The following ENTPD4 variants were observed in gnomAD, a reference collection of about 807,000 sequenced individuals.
The protein encoded by ENTPD4 is Golgi UDPase.
Under a neutral mutation model 79.1 loss-of-function variants are expected in ENTPD4, and 60 were observed. That is an observed-to-expected ratio of 0.76 (90% CI 0.62 to 0.94). ENTPD4 has a LOEUF of 0.94. Ranked by LOEUF, ENTPD4 falls within the 40% of genes least tolerant of loss-of-function variation. The probability of loss-of-function intolerance (pLI) is 0.00; values close to 1 mark genes in which losing one functional copy is unlikely to be tolerated. For synonymous variants in ENTPD4, 276 were observed against 292.0 expected (o/e 0.95, Z 0.56); for missense variants, 772 against 775.1 (o/e 1.00, Z 0.05).
chr8:23,436,510 T>A (rs188615246), intron 10 of ENTPD4, among the ~76,000 whole-genome samples: 1 of 151,890 alleles, frequency 6.6e-6, no homozygotes, highest in Non-Finnish European at 1.5e-5. Flanking sequence ...GATGAGACCA[T>A]CCAAGAACCT....
At chr8:23,434,770 T>C in intron 11 of ENTPD4, 1 of 1,169,716 alleles carries the variant, frequency 8.5e-7, no homozygotes, top group Non-Finnish European at 1.1e-6. Flanking sequence ...CATTTCACCA[T>C]GTACTCCTTG....
Position 23,429,413 on chromosome 8 carries a change from A to C in ENTPD4, c.*3513T>G, listed in dbSNP as rs1183696762. 1 of 985,056 alleles carries C rather than the reference A, an allele frequency of 1.0e-6. No individual in the cohort carries two copies. The highest frequency in any genetic ancestry group is 1.2e-6 in the Non-Finnish European group (1 of 829,684). 61.0% of individuals were successfully genotyped at this position (985,056 alleles called of 1,614,324 possible). A position where few individuals can be genotyped will look rare whatever the true frequency, so the allele number is the denominator to read the frequency against. ...TGGTTGGTCACATCATTCATTATTG[A>C]AAGGGAAACTTAGTATCAAAAGAAA... On this transcript the variant is annotated 3_prime_UTR_variant, in exon 13 of 13. Transcript: ENST00000358689.
In ENTPD4 at chr8:23,429,164, GGAT is replaced by G. The variant is rs1800413483; in HGVS notation, c.*3759_*3761del. 26 of 985,270 alleles carry G rather than the reference GGAT, an allele frequency of 2.6e-5. No individual in the cohort carries two copies. The highest frequency in any genetic ancestry group is 2.9e-5 in the Non-Finnish European group (24 of 829,922). 61.0% of individuals were successfully genotyped at this position (985,270 alleles called of 1,614,324 possible). On this transcript the variant is annotated 3_prime_UTR_variant, in exon 13 of 13. Coordinates refer to ENST00000358689, the MANE Select transcript of ENTPD4 (RefSeq NM_004901.5). Reference sequence around the variant, plus strand: ...AAGCCCACACAGTCTACGGGCCATGGGATGATGAACTTTCGTTTTATTGATTTT... The same window carrying G: ...AAGCCCACACAGTCTACGGGCCATGGGATGAACTTTCGTTTTATTGATTTT...
In ENTPD4 at chr8:23,434,104, G is replaced by A. The variant is rs1800510904; in HGVS notation, c.1622+213C>T. On this transcript the variant is annotated intron_variant, in intron 12 of 12. Coordinates refer to ENST00000358689, the MANE Select transcript of ENTPD4 (RefSeq NM_004901.5). ...AACCAAACACAGGGCAGTAGGACAGGAGTGCTGTGTATTACGGGATGGTAG... is the reference window on the plus strand; with the variant it reads ...AACCAAACACAGGGCAGTAGGACAGAAGTGCTGTGTATTACGGGATGGTAG... The A allele has an allele frequency of 1.7e-5, 10 of 583,766 alleles. No homozygotes were observed. In the South Asian group the frequency reaches 2.2e-4, roughly 13 times the overall value. 36.2% of individuals were successfully genotyped at this position (583,766 alleles called of 1,614,324 possible).
rs577718046 is a variant in ENTPD4 at position 23,451,087 on chromosome 8, C to G, written c.-97-1090G>C. On this transcript the variant is annotated intron_variant, in intron 1 of 12. Transcript: ENST00000358689. ...CCCAGGCTGGTGGAGTGCAATGGCA[C>G]AATCTCAGCTCACTGCAACCTCCTC... Among the ~76,000 whole-genome samples, 9 of 149,444 alleles carry G rather than the reference C, an allele frequency of 6.0e-5. No homozygotes were observed. The Admixed American group carries it at 6.1e-4, about 10-fold the overall frequency.
rs567310264 is a variant in ENTPD4, at chr8:23,431,692, G to A, written c.*1234C>T. On this transcript the variant is annotated 3_prime_UTR_variant, in exon 13 of 13. Coordinates refer to ENST00000358689, the MANE Select transcript of ENTPD4 (RefSeq NM_004901.5). ...AAAGCTGAGATGACTTTTAATTAAG[G>A]GGGGTGGGGGAAACACCAATTGGAA... 1 of 985,498 alleles carries A rather than the reference G, an allele frequency of 1.0e-6. No individual in the cohort carries two copies. Among genetic ancestry groups the A allele is most frequent in the Non-Finnish European group, 1.2e-6 (1 of 830,030 alleles). 61.0% of individuals were successfully genotyped at this position (985,498 alleles called of 1,614,324 possible).
rs368017793 is a variant in ENTPD4 at position 23,441,542 on chromosome 8, CAG to C, written c.882+25_882+26del. The C allele has an allele frequency of 1.8e-5, 29 of 1,604,494 alleles. No individual in the cohort carries two copies. The African/African-American group carries it at 2.6e-4, about 14-fold the overall frequency. On this transcript the variant is annotated intron_variant, in intron 8 of 12. Coordinates refer to ENST00000358689, the MANE Select transcript of ENTPD4 (RefSeq NM_004901.5). ...CACGTTAAATGAAAACCAAACCAAA[CAG>C]AAGGAAATTTGTACAGATAATGACC...
intron 8 of ENTPD4, 153 bp from the exon 9 acceptor site, chr8:23,440,068 A>C: frequency 1.7e-6 from 1 of 583,318 alleles, no homozygotes; most frequent in Non-Finnish European, 3.0e-6. Context: ...ATAATTCAAT[A>C]TGACAATTCT....
At chr8:23,457,076 C>T (rs1262772575) in intron 1 of ENTPD4, among the ~76,000 whole-genome samples, 1 of 152,250 alleles carries the variant, frequency 6.6e-6, no homozygotes, top group Non-Finnish European at 1.5e-5. Flanking sequence ...TGCTGTGCAT[C>T]ATCACTTTAC....
At chr8:23,438,879 T>A (rs1019971629) in intron 9 of ENTPD4, among the ~76,000 whole-genome samples, 1 of 152,214 alleles carries the variant, frequency 6.6e-6, no homozygotes, top group Non-Finnish European at 1.5e-5. Context: ...TCCAACTTGG[T>A]CTTTTTTCAA....
intron 2 of ENTPD4, 85 bp downstream of exon 2, chr8:23,449,808 T>C: frequency 1.1e-5 from 13 of 1,216,228 alleles, no homozygotes; most frequent in Non-Finnish European, 1.6e-5. Flanking sequence ...CATTTTTCAC[T>C]TGCGATTTAG....
Position 23,429,981 on chromosome 8 carries a change from T to C in ENTPD4, c.*2945A>G. The C allele has an allele frequency of 1.0e-6, 1 of 985,488 alleles. No homozygotes were observed. Among genetic ancestry groups the C allele is most frequent in the Non-Finnish European group, 1.2e-6 (1 of 829,946 alleles). The allele number at this position is 985,488 out of a possible 1,614,324, so 61.0% of individuals were successfully genotyped here. On this transcript the variant is annotated 3_prime_UTR_variant, in exon 13 of 13. Transcript: ENST00000358689. The stretch of plus-strand genomic sequence containing the variant: ...AACATAAGCACTTATTGCTGGCATG[T>C]TTCTACCAAGATTGAACACAATGCT...
chr8:23,456,407 T>C (rs758144436), intron 1 of ENTPD4, among the ~76,000 whole-genome samples: 4 of 152,240 alleles, frequency 2.6e-5, no homozygotes, highest in Non-Finnish European at 5.9e-5. Context: ...TTTCTTACAA[T>C]TGGAATCGTC....
In ENTPD4 at chr8:23,445,670, C is replaced by G. The variant is rs751902199; in HGVS notation, c.413-1064G>C. ...CAACTCTTGTTAAATTCCATGCTTA[C>G]TTCCTTTTGCTAGATGTACATTCAT... On this transcript the variant is annotated intron_variant, in intron 4 of 12. Transcript: ENST00000358689. 3.0e-4 allele frequency among the ~76,000 whole-genome samples: 45 copies of G among 152,356 alleles called. 1 individual carries two copies. Among genetic ancestry groups the G allele is most frequent in the Admixed American group, 2.0e-4 (3 of 15,310 alleles).
rs923380606 is a variant in ENTPD4 at position 23,431,615 on chromosome 8, C to A, written c.*1311G>T. ...CTGCCAGCAACAGCCTCAGTCAATG[C>A]GGTTAGGAAGAGGACTCGGCAGGCT... On this transcript the variant is annotated 3_prime_UTR_variant, in exon 13 of 13. Coordinates refer to ENST00000358689, the MANE Select transcript of ENTPD4 (RefSeq NM_004901.5). The A allele has an allele frequency of 1.3e-5, 13 of 985,132 alleles. No homozygotes were observed. Among genetic ancestry groups the A allele is most frequent in the Admixed American group, 6.2e-5 (1 of 16,246 alleles). 61.0% of individuals were successfully genotyped at this position (985,132 alleles called of 1,614,324 possible).
chr8:23,437,688 TAG>T (rs1294674945), intron 9 of ENTPD4, among the ~76,000 whole-genome samples: 1 of 152,220 alleles, frequency 6.6e-6, no homozygotes, highest in East Asian at 1.9e-4. Context: ...GAAAAGTTAC[TAG>T]AAAATTATCA....
intron 7 of ENTPD4, 109 bp from the exon 8 acceptor site, chr8:23,441,832 C>T: frequency 7.8e-7 from 1 of 1,282,794 alleles, no homozygotes; most frequent in Non-Finnish European, 1.1e-6. Context: ...TCAGGCAAAC[C>T]CAGTCTACTC....
At position 23,429,667 on chromosome 8, in the gene ENTPD4, A is replaced by C. The variant is rs569898556; in HGVS notation, c.*3259T>G. On this transcript the variant is annotated 3_prime_UTR_variant, in exon 13 of 13. Transcript: ENST00000358689. ...CTGTTTATCCAGAGTTTGTTAATCT[A>C]GAGTACACAGATGTGGAAAACTGGT... 2.9e-4 allele frequency: 282 copies of C among 985,378 alleles called. No homozygotes were observed. Among genetic ancestry groups the C allele is most frequent in the Non-Finnish European group, 3.3e-4 (277 of 829,892 alleles). The allele number at this position is 985,378 out of a possible 1,614,324, so 61.0% of individuals were successfully genotyped here.
chr8:23,431,833 C>A lies in ENTPD4; in HGVS notation c.*1093G>T. ...CTGGTGAAACTAGGAATTTCCAATT[C>A]TTTCAAAACCACAGTGTTCTAATGC... On this transcript the variant is annotated 3_prime_UTR_variant, in exon 13 of 13. Coordinates refer to ENST00000358689, the MANE Select transcript of ENTPD4 (RefSeq NM_004901.5). 1 of 985,444 alleles carries A rather than the reference C, an allele frequency of 1.0e-6. No individual in the cohort carries two copies. 61.0% of individuals were successfully genotyped at this position (985,444 alleles called of 1,614,324 possible).
Sources: allele counts gnomAD v4.1 joint callset (sites outside exome capture counted in the v4.1 genomes callset), GRCh38; gene constraint gnomAD v4.1.1; transcripts MANE v1.5; gene names NCBI Gene and HGNC (gene_info 2026-07-23, HGNC 2026-07-21).